PTPN2: variants seen among roughly 807,000 people sequenced by gnomAD.
PTPN2 encodes protein tyrosine phosphatase non-receptor type 2, also known as tyrosine-protein phosphatase non-receptor type 2.
In PTPN2, 19 loss-of-function variants were observed where a neutral mutation model predicts 57.3. The observed-to-expected ratio is 0.33, with a 90% CI of 0.23 to 0.49. The LOEUF (loss-of-function observed/expected upper bound fraction) is 0.49, where lower values mean the gene tolerates loss of function less well. Ranked by LOEUF, PTPN2 falls within the 20% of genes least tolerant of loss-of-function variation. The pLI is 0.99. For missense variants in PTPN2, 358 were observed against 501.1 expected, an observed-to-expected ratio of 0.71 and a Z score of 2.73; for synonymous variants, 153 against 164.9, an observed-to-expected ratio of 0.93 and a Z score of 0.55.
At chr18:12,873,562 T>C (rs1462013267) in intron 1 of PTPN2, among the ~76,000 whole-genome samples, 3 of 152,346 alleles carry the variant, frequency 2.0e-5, no homozygotes, top group South Asian at 4.1e-4. Context: ...GGTGCCGGGA[T>C]TGCAGACGGT....
chr18:12,794,026 C>G lies in PTPN2; in HGVS notation c.*252G>C, dbSNP rs2041069337. The G allele has an allele frequency of 2.2e-6, 3 of 1,365,240 alleles. No individual in the cohort carries two copies. The highest frequency in any genetic ancestry group is 2.8e-6 in the Non-Finnish European group (3 of 1,061,008). The allele number at this position is 1,365,240 out of a possible 1,614,324, so 84.6% of individuals were successfully genotyped here. On this transcript the variant is annotated 3_prime_UTR_variant, in exon 9 of 9. Coordinates refer to ENST00000309660, the MANE Select transcript of PTPN2 (RefSeq NM_002828.4). ...TGTTTGACATGTATGAATACAGTTG[C>G]AAAATTTACCAGTTTTTAACAAACA...
intron 5 of PTPN2, among the ~76,000 whole-genome samples, chr18:12,825,430 C>G (rs944695519): frequency 5.9e-5 from 9 of 152,076 alleles, no homozygotes; most frequent in African/African-American, 2.2e-4. Context: ...GCGTGGTAAC[C>G]TCCATTTTAC....
At chr18:12,795,793 T>C (rs756664053) in intron 8 of PTPN2, among the ~76,000 whole-genome samples, 2 of 152,166 alleles carry the variant, frequency 1.3e-5, no homozygotes, top group African/African-American at 2.4e-5. Flanking sequence ...TGGCAACATA[T>C]AGGTTACTAT....
At chr18:12,883,305 ACAAG>A (rs1427568634) in intron 1 of PTPN2, among the ~76,000 whole-genome samples, 3 of 152,362 alleles carry the variant, frequency 2.0e-5, no homozygotes, top group Admixed American at 6.5e-5. Context: ...CTGGACGAAC[ACAAG>A]CAAAGCCTCT....
chr18:12,845,550 C>G (rs1379662149), intron 2 of PTPN2, among the ~76,000 whole-genome samples: 2 of 152,134 alleles, frequency 1.3e-5, no homozygotes, highest in African/African-American at 4.8e-5. Context: ...CCCACAACCT[C>G]GTTTAACTCA....
intron 1 of PTPN2, among the ~76,000 whole-genome samples, chr18:12,864,678 A>G (rs954951152): frequency 3.9e-5 from 6 of 152,182 alleles, no homozygotes; most frequent in African/African-American, 1.4e-4. Context: ...GATTACAGGC[A>G]TAAGCCACCG....
intron 1 of PTPN2, among the ~76,000 whole-genome samples, chr18:12,883,316 C>A (rs1437529816): frequency 1.3e-5 from 2 of 152,246 alleles, no homozygotes; most frequent in African/African-American, 4.8e-5. Context: ...CAAGCAAAGC[C>A]TCTTTCGTTC....
At chr18:12,856,101 A>G (rs2043579862) in intron 2 of PTPN2, among the ~76,000 whole-genome samples, 1 of 152,232 alleles carries the variant, frequency 6.6e-6, no homozygotes, top group Non-Finnish European at 1.5e-5. Context: ...GGAGCTGAAC[A>G]GGTCTAGGAA....
chr18:12,797,007 G>C (rs546535765), intron 8 of PTPN2, among the ~76,000 whole-genome samples: 3 of 152,148 alleles, frequency 2.0e-5, no homozygotes, highest in Admixed American at 2.0e-4. Context: ...CATATATACA[G>C]GTATCCCTGG....
chr18:12,836,663 C>T (rs965597097), intron 3 of PTPN2, 128 bp downstream of exon 3: 3 of 611,838 alleles, frequency 4.9e-6, no homozygotes, highest in East Asian at 2.9e-5. Flanking sequence ...TTCATTACAT[C>T]GTCAGAAAAA....
chr18:12,846,874 G>A (rs2043227195), intron 2 of PTPN2, among the ~76,000 whole-genome samples: 1 of 152,096 alleles, frequency 6.6e-6, no homozygotes. Flanking sequence ...AATATTACAG[G>A]CTTCTTTTTC....
chr18:12,794,322 C>T lies in PTPN2; in HGVS notation c.1204G>A (p.Ala402Thr), dbSNP rs773354544. 1.2e-5 allele frequency: 20 copies of T among 1,614,044 alleles called. No homozygotes were observed. Among genetic ancestry groups the T allele is most frequent in the Middle Eastern group, 3.3e-4 (2 of 6,084 alleles). Reference sequence around the variant, plus strand: ...AAAAACAGTGTCCAGCCAACAAAAGCGCCAACCAAAATGACTGACATAAAC... The same window carrying T: ...AAAAACAGTGTCCAGCCAACAAAAGTGCCAACCAAAATGACTGACATAAAC... The part of the protein sequence containing the change: ...MGFMSVILVG[A>T]FVGWTLFFQQ... Residue 402 changes from alanine to threonine, a missense_variant, in exon 9 of 9, where the codon GCT becomes ACT. By Grantham distance (58) the Ala-to-Thr change is moderately conservative (BLOSUM62 0). Coordinates refer to ENST00000309660, the MANE Select transcript of PTPN2 (RefSeq NM_002828.4).
intron 2 of PTPN2, among the ~76,000 whole-genome samples, chr18:12,854,524 C>G (rs1214304550): frequency 6.6e-6 from 1 of 152,044 alleles, no homozygotes; most frequent in Non-Finnish European, 1.5e-5. Flanking sequence ...GGAGAAAAGG[C>G]AGGTGTGGGG....
chr18:12,815,430 T>C (rs2042042594), intron 6 of PTPN2, among the ~76,000 whole-genome samples: 1 of 151,268 alleles, frequency 6.6e-6, no homozygotes, highest in Non-Finnish European at 1.5e-5. Context: ...AATAAATAAA[T>C]AAATAGAATA....
chr18:12,870,077 G>C (rs1373701580), intron 1 of PTPN2, among the ~76,000 whole-genome samples: 1 of 150,926 alleles, frequency 6.6e-6, no homozygotes, highest in Non-Finnish European at 1.5e-5. Flanking sequence ...CTTTGAGGAA[G>C]AGAGTTTAGA....
rs1008677960 is a variant in PTPN2, at chr18:12,810,692, T to C, written c.858+3511A>G. On this transcript the variant is annotated intron_variant, in intron 7 of 8. Transcript: ENST00000309660. ...TTTGTTGTGTTTGGAGAACAGTTAGTAGTACAGTTTGGTACAATTTGTCTA... is the reference window on the plus strand; with the variant it reads ...TTTGTTGTGTTTGGAGAACAGTTAGCAGTACAGTTTGGTACAATTTGTCTA... Among the ~76,000 whole-genome samples, 5 of 152,174 alleles carry C rather than the reference T, an allele frequency of 3.3e-5. No homozygotes were observed. The South Asian group carries it at 1.0e-3, about 32-fold the overall frequency.
intron 6 of PTPN2, among the ~76,000 whole-genome samples, chr18:12,814,681 G>A (rs889227869): frequency 1.3e-5 from 2 of 152,030 alleles, no homozygotes; most frequent in Admixed American, 1.3e-4. Flanking sequence ...CTAGTATAAG[G>A]ACTATTTTTT....
At chr18:12,849,514 G>A (rs1028766793) in intron 2 of PTPN2, among the ~76,000 whole-genome samples, 9 of 152,044 alleles carry the variant, frequency 5.9e-5, no homozygotes, top group East Asian at 1.9e-4. Context: ...AGCCAAGATC[G>A]TGCCACCGCA....
intron 5 of PTPN2, among the ~76,000 whole-genome samples, chr18:12,817,931 A>C (rs1299041944): frequency 1.3e-5 from 2 of 152,208 alleles, no homozygotes; most frequent in Non-Finnish European, 1.5e-5. Context: ...ACTTGAGGTC[A>C]GGAGTTCGAG....
Sources: allele counts gnomAD v4.1 joint callset (sites outside exome capture counted in the v4.1 genomes callset), GRCh38; gene constraint gnomAD v4.1.1; transcripts MANE v1.5; gene names NCBI Gene and HGNC (gene_info 2026-07-23, HGNC 2026-07-21).